Variants in ZNF714 observed in about 807,000 individuals in gnomAD.
ZNF714 encodes zinc finger protein 714.
Under a neutral mutation model 46.2 loss-of-function variants are expected in ZNF714, and 32 were observed. That is an observed-to-expected ratio of 0.69 (90% CI 0.52 to 0.93). The LOEUF is 0.93. Ranked by LOEUF, ZNF714 falls within the 40% of genes least tolerant of loss-of-function variation. ZNF714 has a pLI of 0.00. For missense variants in ZNF714, 635 were observed against 646.3 expected (o/e 0.98, Z 0.19); for synonymous variants, 199 against 213.1 (o/e 0.93, Z 0.58).
chr19:21,094,581 C>G (rs989985181), intron 2 of ZNF714, among the ~76,000 whole-genome samples: 5 of 152,154 alleles, frequency 3.3e-5, no homozygotes, highest in Admixed American at 3.3e-4. Flanking sequence ...GGCTGGAGTA[C>G]AGTGGTGTGA....
At chr19:21,095,448 G>GC (rs1052885975) in intron 2 of ZNF714, among the ~76,000 whole-genome samples, 147 of 141,740 alleles carry the variant, frequency 1.0e-3, no homozygotes, top group African/African-American at 3.2e-3. Flanking sequence ...AATGGTGATG[G>GC]CCCCCTGGTG....
At chr19:21,091,936 T>G (rs1488741923) in intron 2 of ZNF714, among the ~76,000 whole-genome samples, 1 of 152,168 alleles carries the variant, frequency 6.6e-6, no homozygotes, top group African/African-American at 2.4e-5. Flanking sequence ...TCAGGGTCTG[T>G]GCTGACTCTG....
rs1470234630 is a variant in ZNF714 at position 21,118,239 on chromosome 19, G to T, written c.1575G>T (p.Arg525Ser). ...GAGGACTAGGTGAGCAGATCGCGAG[G>T]TCAGGAGTTCAAGACCAGCCTGGCC... ...TLRGLGEQIA[R>S]SGVQDQPGQH... The change falls in exon 5 of 5, where the codon AGG (arginine) becomes AGT (serine). Residue 525 changes from arginine (R) to serine (S), a missense_variant. Arg to Ser is a moderately radical substitution (Grantham distance 110). Transcript: ENST00000456283. The T allele has an allele frequency of 1.9e-6, 3 of 1,554,088 alleles. No individual in the cohort carries two copies. The highest frequency in any genetic ancestry group is 1.2e-5 in the South Asian group (1 of 86,954).
chr19:21,107,861 T>G (rs1053126698), intron 4 of ZNF714, among the ~76,000 whole-genome samples: 7 of 152,196 alleles, frequency 4.6e-5, no homozygotes, highest in Non-Finnish European at 7.4e-5. Flanking sequence ...TTTGCCAGTT[T>G]TACTTTTTAA....
intron 2 of ZNF714, among the ~76,000 whole-genome samples, chr19:21,085,014 T>G (rs547667065): frequency 6.6e-6 from 1 of 152,220 alleles, no homozygotes; most frequent in Non-Finnish European, 1.5e-5. Flanking sequence ...AAATTCTCAT[T>G]TACCTTTTTC....
chr19:21,083,661 C>T (rs150026305), intron 1 of ZNF714, among the ~76,000 whole-genome samples: 1 of 152,154 alleles, frequency 6.6e-6, no homozygotes, highest in East Asian at 1.9e-4. Flanking sequence ...TTAAATGACG[C>T]TTTTTAAAAG....
chr19:21,100,804 G>C (rs1871092025), intron 4 of ZNF714, among the ~76,000 whole-genome samples: 1 of 152,002 alleles, frequency 6.6e-6, no homozygotes, highest in African/African-American at 2.4e-5. Context: ...TCCACCTCCT[G>C]GGTTCAAATG....
chr19:21,117,545 T>C lies in ZNF714; in HGVS notation c.881T>C (p.Phe294Ser). 1 of 1,606,442 alleles carries C rather than the reference T, an allele frequency of 6.2e-7. No homozygotes were observed. ...AAATGTGAAGAATGTGACAAAGCTT[T>C]TAACCGATTCTCATACCTTACTAAA... ...PYKCEECDKA[F>S]NRFSYLTKHK... is the part of the protein sequence containing the mutation. Residue 294 changes from phenylalanine (F) to serine (S), a missense_variant, in exon 5 of 5, where the codon TTT becomes TCT. Phe to Ser is a radical substitution (Grantham distance 155). Coordinates refer to ENST00000456283, the MANE Select transcript of ZNF714 (RefSeq NM_182515.4).
rs1247081955 is a variant in ZNF714, at chr19:21,123,346, T to G, written c.*5014T>G. Among the ~76,000 whole-genome samples, 1 of 152,036 alleles carries G rather than the reference T, an allele frequency of 6.6e-6. No individual in the cohort carries two copies. Among genetic ancestry groups the G allele is most frequent in the Non-Finnish European group, 1.5e-5 (1 of 68,008 alleles). On this transcript the variant is annotated 3_prime_UTR_variant, in exon 5 of 5. Transcript: ENST00000456283. The stretch of plus-strand genomic sequence containing the variant: ...TAATAGTAAACGAATTTAATTTTCT[T>G]TTTTTATTTTTACTTTTTATTTTTT...
chr19:21,092,660 G>T (rs954978184), intron 2 of ZNF714, among the ~76,000 whole-genome samples: 26 of 151,926 alleles, frequency 1.7e-4, no homozygotes, highest in Non-Finnish European at 4.4e-5. Flanking sequence ...ATGGGGTTTT[G>T]GTGTAGATTA....
At chr19:21,086,852 T>A (rs1968791406) in intron 2 of ZNF714, among the ~76,000 whole-genome samples, 1 of 152,172 alleles carries the variant, frequency 6.6e-6, no homozygotes, top group African/African-American at 2.4e-5. Flanking sequence ...GGATGAAGAT[T>A]CATTTTCTGT....
chr19:21,103,482 G>A (rs1304313574), intron 4 of ZNF714, among the ~76,000 whole-genome samples: 1 of 152,134 alleles, frequency 6.6e-6, no homozygotes, highest in Non-Finnish European at 1.5e-5. Flanking sequence ...AAACCCAGGA[G>A]GCAGAGGTTG....
In ZNF714 at chr19:21,119,425, T is replaced by A. The variant is rs1969671163; in HGVS notation, c.*1093T>A. On this transcript the variant is annotated 3_prime_UTR_variant, in exon 5 of 5. Transcript: ENST00000456283. ...TAAAAAAAAAAGAAAATATGAACTT[T>A]ACAGTGAAGAATATTTATTTTGAAG... 5.9e-6 allele frequency: 1 copy of A among 168,322 alleles called. No individual in the cohort carries two copies. Among genetic ancestry groups the A allele is most frequent in the Non-Finnish European group, 1.3e-5 (1 of 76,954 alleles). The allele number at this position is 168,322 out of a possible 1,614,324, so 10.4% of individuals were successfully genotyped here.
rs1382509157 is a variant in ZNF714 at position 21,117,204 on chromosome 19, A to G, written c.540A>G (p.Lys180=). Residue 180 remains lysine, a synonymous_variant, in exon 5 of 5, where the codon AAA becomes AAG. Coordinates refer to ENST00000456283, the MANE Select transcript of ZNF714 (RefSeq NM_182515.4). The part of the protein sequence containing the change: ...ENSYQCEECD[K]VFKRFSTLTR... The stretch of plus-strand genomic sequence containing the variant: ...CTTACCAATGTGAAGAATGTGACAA[A>G]GTGTTTAAGCGGTTCTCAACCCTTA... 1 of 1,613,970 alleles carries G rather than the reference A, an allele frequency of 6.2e-7. No individual in the cohort carries two copies. The highest frequency in any genetic ancestry group is 1.7e-5 in the Admixed American group (1 of 60,002).
Position 21,117,161 on chromosome 19 carries a change from T to C in ZNF714, c.497T>C (p.Ile166Thr). The change falls in exon 5 of 5, where the codon ATT (isoleucine) becomes ACT (threonine). Residue 166 changes from isoleucine (I) to threonine (T), a missense_variant. Physicochemically the swap from Ile to Thr is moderately conservative, Grantham distance 89. Transcript: ENST00000456283. ...TTACACCTACATCAACATAAAAGAA[T>C]TCATATTAGAGAGAATTCTTACCAA... is the stretch of plus-strand genomic sequence containing the variant. ...MLLHLHQHKR[I>T]HIRENSYQCE... is the part of the protein sequence containing the mutation. The C allele has an allele frequency of 6.2e-7, 1 of 1,614,050 alleles. No homozygotes were observed. Among genetic ancestry groups the C allele is most frequent in the Non-Finnish European group, 8.5e-7 (1 of 1,179,958 alleles).
At chr19:21,088,721 G>C (rs912552427) in intron 2 of ZNF714, among the ~76,000 whole-genome samples, 1 of 152,142 alleles carries the variant, frequency 6.6e-6, no homozygotes, top group Non-Finnish European at 1.5e-5. Flanking sequence ...CACACACACA[G>C]ACAGAAGATT....
chr19:21,119,757 A>G lies in ZNF714; in HGVS notation c.*1425A>G, dbSNP rs1387681169. ...AATTTATGGTAGAAATACATAAGGC[A>G]CTGACAACATCAGATATACTAAATC... is the stretch of plus-strand genomic sequence containing the variant. On this transcript the variant is annotated 3_prime_UTR_variant, in exon 5 of 5. Coordinates refer to ENST00000456283, the MANE Select transcript of ZNF714 (RefSeq NM_182515.4). 3 of 152,218 alleles carry G rather than the reference A, an allele frequency of 2.0e-5. No individual in the cohort carries two copies. Among genetic ancestry groups the G allele is most frequent in the African/African-American group, 7.2e-5 (3 of 41,458 alleles). The allele number at this position is 152,218 out of a possible 1,614,324, so 9.4% of individuals were successfully genotyped here.
Position 21,122,887 on chromosome 19 carries a change from G to T in ZNF714, c.*4555G>T, listed in dbSNP as rs1035482371. The T allele has an allele frequency of 6.6e-6, 1 of 152,064 alleles. No individual in the cohort carries two copies. Among genetic ancestry groups the T allele is most frequent in the Non-Finnish European group, 1.5e-5 (1 of 68,014 alleles). The allele number at this position is 152,064 out of a possible 1,614,324, so 9.4% of individuals were successfully genotyped here. ...ATTAAGATAAAAGCCAGGTGTGGTGGCTCACGCCTCTAATCCCAGCACTTT... is the reference window on the plus strand; with the variant it reads ...ATTAAGATAAAAGCCAGGTGTGGTGTCTCACGCCTCTAATCCCAGCACTTT... On this transcript the variant is annotated 3_prime_UTR_variant, in exon 5 of 5. Coordinates refer to ENST00000456283, the MANE Select transcript of ZNF714 (RefSeq NM_182515.4).
Position 21,122,093 on chromosome 19 carries a change from A to G in ZNF714, c.*3761A>G, listed in dbSNP as rs1325417139. 2.0e-5 allele frequency: 3 copies of G among 152,188 alleles called. No individual in the cohort carries two copies. Among genetic ancestry groups the G allele is most frequent in the Non-Finnish European group, 4.4e-5 (3 of 68,034 alleles). 9.4% of individuals were successfully genotyped at this position (152,188 alleles called of 1,614,324 possible). On this transcript the variant is annotated 3_prime_UTR_variant, in exon 5 of 5. Coordinates refer to ENST00000456283, the MANE Select transcript of ZNF714 (RefSeq NM_182515.4). ...GTTCCTTTCACTTTTTATAATTGAC[A>G]TAAGTATATTTATTTATTGAGTCAA...
Sources: gnomAD v4.1 joint callset for allele counts (sites outside exome capture counted in the v4.1 genomes callset) on GRCh38, gnomAD v4.1.1 for gene constraint, MANE v1.5 for transcripts, NCBI Gene and HGNC (gene_info 2026-07-23, HGNC 2026-07-21) for gene names.